The following SNX7 variants were observed in gnomAD, a reference collection of about 807,000 sequenced individuals.
SNX7 encodes the protein sorting nexin 7.
In SNX7, 35 loss-of-function variants were observed where a neutral mutation model predicts 48.4. The ratio of observed to expected loss-of-function variants is 0.72; its 90% confidence interval spans 0.55 to 0.96. SNX7 has a LOEUF of 0.96. Ranked by LOEUF, SNX7 falls within the 40% of genes least tolerant of loss-of-function variation. SNX7 has a pLI of 0.00. For missense variants in SNX7, 553 were observed against 548.9 expected (o/e 1.01, Z -0.07); for synonymous variants, 190 against 190.2 (o/e 1.00, Z 0.01).
chr1:98,733,121 A>C (rs1246371196), intron 7 of SNX7, among the ~76,000 whole-genome samples: 2 of 152,096 alleles, frequency 1.3e-5, no homozygotes, highest in Non-Finnish European at 2.9e-5. Context: ...TATGCAACTG[A>C]GTGGTTTTGA....
At chr1:98,747,886 A>G (rs1654381384) in intron 8 of SNX7, among the ~76,000 whole-genome samples, 1 of 151,920 alleles carries the variant, frequency 6.6e-6, no homozygotes, top group Non-Finnish European at 1.5e-5. Context: ...AAATTTTCAA[A>G]ATCCATAGCT....
chr1:98,675,824 A>G (rs951145463), intron 1 of SNX7, among the ~76,000 whole-genome samples: 4 of 152,174 alleles, frequency 2.6e-5, no homozygotes, highest in African/African-American at 9.7e-5. Context: ...TTAGCATCCC[A>G]TAACTTATTA....
chr1:98,716,723 T>G (rs1652611448), intron 7 of SNX7, among the ~76,000 whole-genome samples: 2 of 152,170 alleles, frequency 1.3e-5, no homozygotes, highest in South Asian at 4.1e-4. Flanking sequence ...CAATTTTTTT[T>G]TTCCCAATGG....
chr1:98,687,079 CTG>C (rs1650842080), intron 2 of SNX7, among the ~76,000 whole-genome samples: 1 of 152,082 alleles, frequency 6.6e-6, no homozygotes, highest in Admixed American at 6.6e-5. Context: ...CAAACATTTA[CTG>C]TGTGACTGCT....
At chr1:98,752,284 AGG>A (rs1192493204) in intron 8 of SNX7, among the ~76,000 whole-genome samples, 7 of 152,104 alleles carry the variant, frequency 4.6e-5, no homozygotes, top group Non-Finnish European at 8.8e-5. Context: ...AAGAAATTTA[AGG>A]AGCCTTAGAG....
intron 7 of SNX7, among the ~76,000 whole-genome samples, chr1:98,721,321 T>C (rs976440776): frequency 6.6e-6 from 1 of 152,114 alleles, no homozygotes; most frequent in African/African-American, 2.4e-5. Flanking sequence ...ACTATACTCA[T>C]GTTTTACTTG....
chr1:98,703,100 C>A (rs1651835202), intron 7 of SNX7, among the ~76,000 whole-genome samples: 1 of 151,948 alleles, frequency 6.6e-6, no homozygotes, highest in Non-Finnish European at 1.5e-5. Flanking sequence ...TCCTTAAGGG[C>A]AGATTTTTTT....
intron 8 of SNX7, among the ~76,000 whole-genome samples, chr1:98,745,570 T>C (rs927380138): frequency 6.6e-6 from 1 of 152,060 alleles, no homozygotes; most frequent in Non-Finnish European, 1.5e-5. Context: ...CACCCTAAAA[T>C]TGAATAGATT....
chr1:98,670,000 G>A (rs1187133873), intron 1 of SNX7, among the ~76,000 whole-genome samples: 2 of 152,136 alleles, frequency 1.3e-5, no homozygotes, highest in Non-Finnish European at 2.9e-5. Flanking sequence ...CGTAGCCTCT[G>A]ACTTTTTTCA....
chr1:98,674,088 A>AG (rs1385152237), intron 1 of SNX7, among the ~76,000 whole-genome samples: 3 of 152,216 alleles, frequency 2.0e-5, no homozygotes, highest in Non-Finnish European at 2.9e-5. Flanking sequence ...GTGGAAAAAA[A>AG]CATTCCCAGA....
chr1:98,745,813 A>G (rs755406880), intron 8 of SNX7, among the ~76,000 whole-genome samples: 1 of 152,098 alleles, frequency 6.6e-6, no homozygotes, highest in Non-Finnish European at 1.5e-5. Context: ...GGATCATCTA[A>G]TTTATTTAGG....
intron 8 of SNX7, among the ~76,000 whole-genome samples, chr1:98,755,320 G>T (rs58879312): frequency 0.044 from 6,688 of 152,110 alleles, 444 homozygotes; most frequent in East Asian, 0.34. Context: ...GATTGATAGT[G>T]TGGTTCAGAT....
At chr1:98,721,366 A>ACAATG (rs1652863372) in intron 7 of SNX7, among the ~76,000 whole-genome samples, 3 of 152,156 alleles carry the variant, frequency 2.0e-5, no homozygotes, top group Non-Finnish European at 4.4e-5. Flanking sequence ...GACATTAAAG[A>ACAATG]CAATGCATAG....
At chr1:98,672,792 C>T (rs935683638) in intron 1 of SNX7, among the ~76,000 whole-genome samples, 255 of 150,582 alleles carry the variant, frequency 1.7e-3, no homozygotes, top group African/African-American at 6.1e-3. Context: ...GGCGCGGTGG[C>T]GGGCGCCTGT....
intron 7 of SNX7, among the ~76,000 whole-genome samples, chr1:98,730,520 A>G (rs904891095): frequency 6.6e-6 from 1 of 152,116 alleles, no homozygotes; most frequent in African/African-American, 2.4e-5. Context: ...GTCTCAGCTG[A>G]AAAGCTTCTT....
At chr1:98,679,752 G>A (rs529500922) in intron 1 of SNX7, among the ~76,000 whole-genome samples, 1 of 152,254 alleles carries the variant, frequency 6.6e-6, no homozygotes, top group African/African-American at 2.4e-5. Context: ...TCACATACAG[G>A]TCACACTGAT....
In SNX7 at chr1:98,691,573, A is replaced by G. The variant is rs1651128104; in HGVS notation, c.513A>G (p.Glu171=). The change falls in exon 4 of 9, where the codon GAA becomes GAG. Residue 171 remains glutamate, a synonymous_variant. Coordinates refer to ENST00000306121, the MANE Select transcript of SNX7 (RefSeq NM_015976.5). ...PEKFIVKGMV[E]RFNDDFIETR... ...AGTTTATAGTAAAAGGAATGGTGGA[A>G]CGCTTTAACGATGACTTCATTGAGA... 4.4e-6 allele frequency: 7 copies of G among 1,603,206 alleles called. No individual in the cohort carries two copies. Among genetic ancestry groups the G allele is most frequent in the Non-Finnish European group, 6.0e-6 (7 of 1,175,716 alleles).
rs538151892 is a variant in SNX7, at chr1:98,693,818, A to G, written c.640-1700A>G. On this transcript the variant is annotated intron_variant, in intron 4 of 8. Coordinates refer to ENST00000306121, the MANE Select transcript of SNX7 (RefSeq NM_015976.5). ...TGGGTAAATAATATATAATATTTTT[A>G]TCTGTAAATTAGGTAGTCAGCAGTA... is the stretch of plus-strand genomic sequence containing the variant. 2.7e-3 allele frequency among the ~76,000 whole-genome samples: 413 copies of G among 152,264 alleles called. 1 individual carries two copies. Among genetic ancestry groups the G allele is most frequent in the Non-Finnish European group, 3.8e-3 (256 of 68,018 alleles).
intron 1 of SNX7, among the ~76,000 whole-genome samples, chr1:98,672,758 A>G (rs1235221322): frequency 6.7e-6 from 1 of 150,276 alleles, no homozygotes; most frequent in African/African-American, 2.4e-5. Context: ...CCCCGTCTCT[A>G]CTAAAAATAC....
Sources: allele counts gnomAD v4.1 joint callset (sites outside exome capture counted in the v4.1 genomes callset), GRCh38; gene constraint gnomAD v4.1.1; transcripts MANE v1.5; gene names NCBI Gene and HGNC (gene_info 2026-07-23, HGNC 2026-07-21).